Variants in BLTP3B observed in about 807,000 individuals in gnomAD.
The protein encoded by BLTP3B is bridge-like lipid transfer protein family member 3B.
the BLTP3B span, among the ~76,000 whole-genome samples, chr12:100,111,555 GACCATGGGCACATGCC>G: frequency 6.6e-6 from 1 of 151,848 alleles, no homozygotes. Flanking sequence ...AAGCAGTTGG[GACCATGGGCACATGCC>G]ACCATGCTCA....
chr12:100,106,702 A>G, the BLTP3B span, among the ~76,000 whole-genome samples: 1 of 152,208 alleles, frequency 6.6e-6, no homozygotes, highest in Non-Finnish European at 1.5e-5. Flanking sequence ...CTTTACCACT[A>G]TACAATTCAC....
At chr12:100,094,256 C>G in the BLTP3B span, among the ~76,000 whole-genome samples, 5 of 152,216 alleles carry the variant, frequency 3.3e-5, no homozygotes, top group East Asian at 9.7e-4. Flanking sequence ...CAGGTATATG[C>G]CACCACCACC....
At chr12:100,058,643 T>G in the BLTP3B span, 3 of 1,614,118 alleles carry the variant, frequency 1.9e-6, no homozygotes, top group Non-Finnish European at 2.5e-6. Context: ...GAGTATTTGC[T>G]TGATCCACTG....
the BLTP3B span, among the ~76,000 whole-genome samples, chr12:100,127,998 G>A: frequency 6.6e-6 from 1 of 152,096 alleles, no homozygotes; most frequent in South Asian, 2.1e-4. Context: ...GGGCAACAGA[G>A]CAACACCTTT....
chr12:100,092,119 T>C, the BLTP3B span, among the ~76,000 whole-genome samples: 1 of 152,220 alleles, frequency 6.6e-6, no homozygotes, highest in African/African-American at 2.4e-5. Flanking sequence ...TGTTAATAAC[T>C]CTTAATTTTC....
At chr12:100,084,440 CTT>C in the BLTP3B span, 17 of 1,566,710 alleles carry the variant, frequency 1.1e-5, no homozygotes, top group Non-Finnish European at 1.5e-5. Context: ...TGCAAACACT[CTT>C]AATATTAGGG....
the BLTP3B span, chr12:100,098,254 G>A: frequency 3.8e-6 from 5 of 1,326,092 alleles, 1 homozygote; most frequent in South Asian, 7.8e-5. Context: ...ACAGAGAAAA[G>A]CAAAGTTAAA....
the BLTP3B span, chr12:100,102,939 T>A: frequency 1.1e-6 from 1 of 901,362 alleles, no homozygotes. Flanking sequence ...TTATTTTCTC[T>A]TTCATTTTTC....
At chr12:100,037,657 T>C in the BLTP3B span, 38 of 1,609,296 alleles carry the variant, frequency 2.4e-5, no homozygotes, top group Non-Finnish European at 2.9e-5. Context: ...TCATCTTCTT[T>C]ATATGATGAA....
chr12:100,078,300 C>T, the BLTP3B span, among the ~76,000 whole-genome samples: 1 of 152,186 alleles, frequency 6.6e-6, no homozygotes, highest in Non-Finnish European at 1.5e-5. Flanking sequence ...CTTTACCTTC[C>T]ACCACGTGTA....
At chr12:100,084,707 T>C in the BLTP3B span, 2 of 1,542,436 alleles carry the variant, frequency 1.3e-6, no homozygotes, top group Admixed American at 3.6e-5. Context: ...CAACTTTCAT[T>C]TATTATATTA....
At chr12:100,118,468 C>T in the BLTP3B span, among the ~76,000 whole-genome samples, 1 of 151,956 alleles carries the variant, frequency 6.6e-6, no homozygotes, top group Non-Finnish European at 1.5e-5. Flanking sequence ...TGGGCACAAC[C>T]AAGAGGAGCC....
chr12:100,053,845 C>T, the BLTP3B span, among the ~76,000 whole-genome samples: 3 of 152,028 alleles, frequency 2.0e-5, no homozygotes, highest in African/African-American at 7.2e-5. Context: ...TTAGTATCTC[C>T]CTTATTCTCC....
the BLTP3B span, among the ~76,000 whole-genome samples, chr12:100,089,929 C>G: frequency 6.6e-6 from 1 of 152,102 alleles, no homozygotes; most frequent in Non-Finnish European, 1.5e-5. Flanking sequence ...GTAAATAAGT[C>G]TCACGAGATC....
chr12:100,110,386 T>C, the BLTP3B span, among the ~76,000 whole-genome samples: 1 of 152,172 alleles, frequency 6.6e-6, no homozygotes, highest in African/African-American at 2.4e-5. Flanking sequence ...CTGATCACGC[T>C]TGATTCAATA....
the BLTP3B span, among the ~76,000 whole-genome samples, chr12:100,078,140 T>C: frequency 5.3e-5 from 8 of 152,086 alleles, no homozygotes; most frequent in Non-Finnish European, 1.2e-4. Context: ...ATGGGAGGTG[T>C]TTGAGTCATG....
the BLTP3B span, among the ~76,000 whole-genome samples, chr12:100,086,911 A>C: frequency 6.6e-6 from 1 of 152,202 alleles, no homozygotes; most frequent in Non-Finnish European, 1.5e-5. Context: ...CTGTCATCCC[A>C]GCACTTTGGG....
At chr12:100,098,274 TGA>T in the BLTP3B span, 2 of 1,435,028 alleles carry the variant, frequency 1.4e-6, no homozygotes, top group African/African-American at 2.9e-5. Context: ...AAGGCAACCA[TGA>T]GATGTGATTT....
chr12:100,054,440 T>C, the BLTP3B span, among the ~76,000 whole-genome samples: 1 of 152,184 alleles, frequency 6.6e-6, no homozygotes, highest in Non-Finnish European at 1.5e-5. Context: ...CATTGAGTGG[T>C]AGTCACTTTT....
Sources: gnomAD v4.1 joint callset for allele counts (sites outside exome capture counted in the v4.1 genomes callset) on GRCh38, gnomAD v4.1.1 for gene constraint, MANE v1.5 for transcripts, NCBI Gene and HGNC (gene_info 2026-07-23, HGNC 2026-07-21) for gene names.